Variants in EEPD1 observed in about 807,000 individuals in gnomAD.
EEPD1 encodes endonuclease/exonuclease/phosphatase family domain-containing protein 1.
In EEPD1, 17 loss-of-function variants were observed where a neutral mutation model predicts 46.3. That is an observed-to-expected ratio of 0.37 (90% CI 0.25 to 0.55). The LOEUF is 0.55. EEPD1 is among the 20% of genes least tolerant of loss of function. The pLI is 0.83. For missense variants in EEPD1, 673 were observed against 745.6 expected, an observed-to-expected ratio of 0.90 and a Z score of 1.13; for synonymous variants, 313 against 315.6, an observed-to-expected ratio of 0.99 and a Z score of 0.09.
chr7:36,286,530 T>C (rs1390454997), intron 5 of EEPD1, among the ~76,000 whole-genome samples: 5 of 152,244 alleles, frequency 3.3e-5, no homozygotes, highest in Non-Finnish European at 5.9e-5. Flanking sequence ...TGAGCAGTGC[T>C]GTGATGCCCA....
rs568719534 is a variant in EEPD1, at chr7:36,257,467, T to C, written c.930+18431T>C. Among the ~76,000 whole-genome samples the C allele has an allele frequency of 4.1e-4, 62 of 152,308 alleles. No homozygotes were observed. In the South Asian group the frequency reaches 5.6e-3, roughly 14 times the overall value. On this transcript the variant is annotated intron_variant, in intron 3 of 7. Transcript: ENST00000242108. ...GTTACTTTCAGGTACACCAATCAAA[T>C]GTAGGTTTGGTCTTTTCACATAGTC...
chr7:36,168,885 G>A (rs181711136), intron 2 of EEPD1, among the ~76,000 whole-genome samples: 5 of 152,248 alleles, frequency 3.3e-5, no homozygotes, highest in Middle Eastern at 3.4e-3. Flanking sequence ...CCCTGCAAGC[G>A]CTTTAGGAAG....
In EEPD1 at chr7:36,239,001, G is replaced by A; in HGVS notation, c.895G>A (p.Val299Met). The A allele has an allele frequency of 6.2e-7, 1 of 1,610,802 alleles. No individual in the cohort carries two copies. Among genetic ancestry groups the A allele is most frequent in the East Asian group, 2.2e-5 (1 of 44,688 alleles). ...LLENSIKLLA[V>M]QELLDREALE... ...TTCTTACAGCATCAAGCTTCTAGCTGTGCAAGAACTGCTTGACAGAGAGGC... is the reference window on the plus strand; with the variant it reads ...TTCTTACAGCATCAAGCTTCTAGCTATGCAAGAACTGCTTGACAGAGAGGC... The change falls in exon 3 of 8, where the codon GTG (valine) becomes ATG (methionine). Residue 299 changes from valine to methionine, a missense_variant. Coordinates refer to ENST00000242108, the MANE Select transcript of EEPD1 (RefSeq NM_030636.3).
At chr7:36,292,441 GTCTC>G (rs1469239754) in intron 6 of EEPD1, among the ~76,000 whole-genome samples, 1 of 136,152 alleles carries the variant, frequency 7.3e-6, no homozygotes, top group Non-Finnish European at 1.6e-5. Context: ...CTCTCTCTCT[GTCTC>G]TCCCTCCCTC....
chr7:36,215,295 G>A (rs1786010515), intron 2 of EEPD1, among the ~76,000 whole-genome samples: 1 of 152,216 alleles, frequency 6.6e-6, no homozygotes, highest in African/African-American at 2.4e-5. Context: ...GCCCCTAAAT[G>A]CACCCTCCTG....
chr7:36,252,151 G>T (rs1786748353), intron 3 of EEPD1, among the ~76,000 whole-genome samples: 1 of 152,168 alleles, frequency 6.6e-6, no homozygotes, highest in Admixed American at 6.5e-5. Flanking sequence ...TAGAAAAAAA[G>T]AACAGAAGTC....
At chr7:36,210,528 A>G (rs936353126) in intron 2 of EEPD1, among the ~76,000 whole-genome samples, 2 of 152,296 alleles carry the variant, frequency 1.3e-5, no homozygotes, top group South Asian at 2.1e-4. Flanking sequence ...TTTTTAAAAC[A>G]TGAATCAAAT....
At chr7:36,242,015 C>T (rs923320947) in intron 3 of EEPD1, among the ~76,000 whole-genome samples, 5 of 152,190 alleles carry the variant, frequency 3.3e-5, no homozygotes, top group African/African-American at 9.7e-5. Flanking sequence ...TGGCTGGTGG[C>T]GGAGCCAGTT....
intron 2 of EEPD1, among the ~76,000 whole-genome samples, chr7:36,182,300 A>G (rs1785282731): frequency 6.6e-6 from 1 of 152,234 alleles, no homozygotes; most frequent in Admixed American, 6.5e-5. Context: ...GAGAAAAGTA[A>G]GAATATATAT....
intron 2 of EEPD1, among the ~76,000 whole-genome samples, chr7:36,235,320 C>T (rs755786368): frequency 7.2e-4 from 109 of 152,256 alleles, no homozygotes; most frequent in Non-Finnish European, 1.4e-3. Context: ...CCCTGTCAAC[C>T]TACATGCAGT....
intron 2 of EEPD1, among the ~76,000 whole-genome samples, chr7:36,218,533 T>G (rs1022819726): frequency 2.6e-5 from 4 of 152,144 alleles, no homozygotes; most frequent in Admixed American, 2.6e-4. Flanking sequence ...GGCTGCTAAG[T>G]GTCTAAAGGA....
At position 36,155,064 on chromosome 7, in the gene EEPD1, C is replaced by T. The variant is rs1451499911; in HGVS notation, c.740C>T (p.Ser247Phe). 6.3e-7 allele frequency: 1 copy of T among 1,593,698 alleles called. No individual in the cohort carries two copies. Among genetic ancestry groups the T allele is most frequent in the Non-Finnish European group, 8.6e-7 (1 of 1,168,438 alleles). Residue 247 changes from serine (S) to phenylalanine (F), a missense_variant, in exon 2 of 8, where the codon TCC becomes TTC. Physicochemically the swap from Ser to Phe is radical, Grantham distance 155. Coordinates refer to ENST00000242108, the MANE Select transcript of EEPD1 (RefSeq NM_030636.3). Reference protein sequence around the residue: ...GPTQIISTRPSVEAFGGTRDG... With the variant: ...GPTQIISTRPFVEAFGGTRDG... ...ACCCAGATTATCTCCACTCGGCCGT[C>T]CGTGGAGGCCTTTGGAGGCACAAGG...
chr7:36,263,271 G>A (rs1786960495), intron 3 of EEPD1, among the ~76,000 whole-genome samples: 1 of 152,176 alleles, frequency 6.6e-6, no homozygotes, highest in Non-Finnish European at 1.5e-5. Flanking sequence ...GGTTGAGGCT[G>A]CAGTGGGCTG....
intron 2 of EEPD1, among the ~76,000 whole-genome samples, chr7:36,221,249 G>A (rs12539219): frequency 0.077 from 11,667 of 152,100 alleles, 711 homozygotes; most frequent in East Asian, 0.17. Flanking sequence ...GCTCTGTTCC[G>A]TATCATCTTT....
intron 2 of EEPD1, among the ~76,000 whole-genome samples, chr7:36,166,201 G>T (rs896408970): frequency 2.0e-5 from 3 of 152,298 alleles, no homozygotes; most frequent in Admixed American, 1.3e-4. Flanking sequence ...TCAGTTTAAC[G>T]CCAGGCAAGA....
chr7:36,290,652 G>C (rs1205919068), intron 6 of EEPD1, among the ~76,000 whole-genome samples: 1 of 152,154 alleles, frequency 6.6e-6, no homozygotes, highest in Non-Finnish European at 1.5e-5. Flanking sequence ...TCTTCCCTCA[G>C]ACCTCACCAG....
At chr7:36,227,072 GA>G (rs1237344152) in intron 2 of EEPD1, among the ~76,000 whole-genome samples, 1 of 152,146 alleles carries the variant, frequency 6.6e-6, no homozygotes, top group African/African-American at 2.4e-5. Context: ...TTAAAGAAGG[GA>G]GGGGGGGTGG....
chr7:36,187,615 T>C (rs1785383216), intron 2 of EEPD1, among the ~76,000 whole-genome samples: 1 of 152,236 alleles, frequency 6.6e-6, no homozygotes. Context: ...TTTCATTGTA[T>C]GTATACCCCA....
intron 2 of EEPD1, among the ~76,000 whole-genome samples, chr7:36,157,576 T>C (rs1784845090): frequency 6.6e-6 from 1 of 152,154 alleles, no homozygotes; most frequent in South Asian, 2.1e-4. Flanking sequence ...CCCACCAGGG[T>C]GTAGAAGGGA....
Sources: gnomAD v4.1 joint callset for allele counts (sites outside exome capture counted in the v4.1 genomes callset) on GRCh38, gnomAD v4.1.1 for gene constraint, MANE v1.5 for transcripts, NCBI Gene and HGNC (gene_info 2026-07-23, HGNC 2026-07-21) for gene names.